The following MMEL1 variants were observed in gnomAD, a reference collection of about 807,000 sequenced individuals.
MMEL1 encodes membrane metallo-endopeptidase-like 1.
A neutral mutation model predicts 117.1 loss-of-function variants in MMEL1; 98 were observed. The ratio of observed to expected loss-of-function variants is 0.84; its 90% CI spans 0.71 to 0.99. The LOEUF (loss-of-function observed/expected upper bound fraction) is 0.99. Ranked by LOEUF, MMEL1 falls within the 50% of genes least tolerant of loss-of-function variation. The probability of loss-of-function intolerance (pLI) is 0.00; values close to 1 mark genes in which losing one functional copy is unlikely to be tolerated. For synonymous variants in MMEL1, 390 were observed against 415.1 expected (o/e 0.94, Z 0.74); for missense variants, 1,014 against 1,049.1 (o/e 0.97, Z 0.46).
chr1:2,618,095 G>A (rs1315357078), intron 2 of MMEL1, among the ~76,000 whole-genome samples: 1 of 152,162 alleles, frequency 6.6e-6, no homozygotes, highest in African/African-American at 2.4e-5. Flanking sequence ...CCTCTGCCAC[G>A]GTTTGGATGT....
At chr1:2,611,443 T>A (rs1179800381) in intron 3 of MMEL1, 103 bp from the exon 4 acceptor site, 1 of 59,918 alleles carries the variant, frequency 1.7e-5, no homozygotes, top group African/African-American at 1.3e-4. Flanking sequence ...GGCATGGGGA[T>A]GGGCATAGAC....
intron 2 of MMEL1, 109 bp downstream of exon 2, chr1:2,629,222 T>A: frequency 8.0e-7 from 1 of 1,250,778 alleles, no homozygotes; most frequent in Non-Finnish European, 1.1e-6. Context: ...ACCTGCCCCA[T>A]CTGACGGGCG....
At position 2,598,785 on chromosome 1, in the gene MMEL1, A is replaced by C; in HGVS notation, c.1047T>G (p.Phe349Leu). The change falls in exon 12 of 24, where the codon TTT becomes TTG. Residue 349 changes from phenylalanine (F) to leucine (L), a missense_variant. Transcript: ENST00000378412. ...CAGTTTGTATGAACAGAGTCCAGTT[A>C]AATCCCTGCAGATAGAGGAAGTGGG... ...ELQSQFGLKG[F>L]NWTLFIQTVL... is the part of the protein sequence containing the mutation. 6.2e-7 allele frequency: 1 copy of C among 1,612,408 alleles called. No homozygotes were observed. The highest frequency in any genetic ancestry group is 1.1e-5 in the South Asian group (1 of 91,026).
rs1241922397 is a variant in MMEL1, at chr1:2,629,495, C to G, written c.-11G>C. The G allele has an allele frequency of 3.4e-6, 5 of 1,487,684 alleles. No homozygotes were observed. Among genetic ancestry groups the G allele is most frequent in the African/African-American group, 1.4e-5 (1 of 69,786 alleles). 92.2% of individuals were successfully genotyped at this position (1,487,684 alleles called of 1,614,324 possible). On this transcript the variant is annotated 5_prime_UTR_variant, in exon 2 of 24. Coordinates refer to ENST00000378412, the MANE Select transcript of MMEL1 (RefSeq NM_033467.4). ...TTCGGACTTCCCCATCAGCAGGGCTCTGGACGGGAGAGCACCGCGGAGGAA... is the reference window on the plus strand; with the variant it reads ...TTCGGACTTCCCCATCAGCAGGGCTGTGGACGGGAGAGCACCGCGGAGGAA...
In MMEL1 at chr1:2,609,389, C is replaced by T. The variant is rs141838137; in HGVS notation, c.485G>A (p.Arg162Gln). 51 of 1,611,926 alleles carry T rather than the reference C, an allele frequency of 3.2e-5. No homozygotes were observed. The South Asian group carries it at 3.3e-4, about 10-fold the overall frequency. ...AVLENSTAKD[R>Q]PAVEKARTLY... ...CGTCCTGGCCTTCTCCACAGCCGGC[C>T]GGTCCTTGGCAGTCGAATTCTCCAG... The change falls in exon 6 of 24, where the codon CGG becomes CAG. Residue 162 changes from arginine to glutamine, a missense_variant. Coordinates refer to ENST00000378412, the MANE Select transcript of MMEL1 (RefSeq NM_033467.4).
chr1:2,611,175 G>T, intron 4 of MMEL1, 106 bp downstream of exon 4: 1 of 1,140,180 alleles, frequency 8.8e-7, no homozygotes, highest in South Asian at 1.4e-5. Context: ...ACCGCCCGCC[G>T]TGTCTTGGAG....
intron 6 of MMEL1, 47 bp downstream of exon 6, chr1:2,609,292 C>G: frequency 6.4e-7 from 1 of 1,567,992 alleles, no homozygotes; most frequent in East Asian, 2.3e-5. Context: ...CAGGGGCAGC[C>G]CGCCCCCGTC....
Position 2,590,947 on chromosome 1 carries a change from A to G in MMEL1, c.*43T>C, listed in dbSNP as rs891304741. The G allele has an allele frequency of 9.2e-6, 13 of 1,418,080 alleles. No homozygotes were observed. In the Admixed American group the frequency reaches 3.6e-4, roughly 39 times the overall value. The allele number at this position is 1,418,080 out of a possible 1,614,324, so 87.8% of individuals were successfully genotyped here. On this transcript the variant is annotated 3_prime_UTR_variant, in exon 24 of 24. Transcript: ENST00000378412. ...CTGCACCTTCGCACAGATGCCTCCGAGCAGCGGGTGGGCGTGGGCCGCACA... is the reference window on the plus strand; with the variant it reads ...CTGCACCTTCGCACAGATGCCTCCGGGCAGCGGGTGGGCGTGGGCCGCACA...
rs1473654510 is a variant in MMEL1 at position 2,592,977 on chromosome 1, G to A, written c.1868-11C>T. ...TGTCGAAGTTCCGGCCTGGGCAGGG[G>A]CAGAGGAGGGCTGCCCACATGCCCC... On this transcript the variant is annotated splice_polypyrimidine_tract_variant and intron_variant, in intron 19 of 23. Transcript: ENST00000378412. 6.2e-7 allele frequency: 1 copy of A among 1,612,220 alleles called. No homozygotes were observed. The highest frequency in any genetic ancestry group is 8.5e-7 in the Non-Finnish European group (1 of 1,179,596).
At chr1:2,600,075 C>A (rs6682043) in intron 11 of MMEL1, among the ~76,000 whole-genome samples, 87,841 of 151,422 alleles carry the variant, frequency 0.58, 26,553 homozygotes, top group Non-Finnish European at 0.68. Flanking sequence ...TCAAGCAATT[C>A]TGCTGCCTCA....
Position 2,595,148 on chromosome 1 carries a change from G to T in MMEL1, c.1584+128C>A. The T allele has an allele frequency of 2.4e-6, 2 of 837,560 alleles. No individual in the cohort carries two copies. Among genetic ancestry groups the T allele is most frequent in the Non-Finnish European group, 3.8e-6 (2 of 522,212 alleles). The allele number at this position is 837,560 out of a possible 1,614,324, so 51.9% of individuals were successfully genotyped here. On this transcript the variant is annotated intron_variant, in intron 16 of 23. Transcript: ENST00000378412. This position sits in a 1 kb window ranked among gnomAD's most constrained non-coding sequence, Gnocchi z 4.8. ...GTAGTGCTGGAGCCACCACCCTAGG[G>T]CACGGTGAGGACAGCTGTGTTAGCG...
chr1:2,598,195 G>T lies in MMEL1; in HGVS notation c.1272+12C>A. Reference sequence around the variant, plus strand: ...AGTGCCCGGCCAGGCTCTGGGCAGGGAAGGGGCTCACCTTGCGGTAGTTCA... The same window carrying T: ...AGTGCCCGGCCAGGCTCTGGGCAGGTAAGGGGCTCACCTTGCGGTAGTTCA... On this transcript the variant is annotated intron_variant, in intron 13 of 23. Transcript: ENST00000378412. 1.9e-6 allele frequency: 3 copies of T among 1,612,944 alleles called. No individual in the cohort carries two copies. The highest frequency in any genetic ancestry group is 2.5e-6 in the Non-Finnish European group (3 of 1,179,058).
In MMEL1 at chr1:2,612,261, C is replaced by T; in HGVS notation, c.155-57G>A. On this transcript the variant is annotated intron_variant, in intron 2 of 23. Coordinates refer to ENST00000378412, the MANE Select transcript of MMEL1 (RefSeq NM_033467.4). The surrounding 1 kb of genome is among the most constrained non-coding windows in gnomAD (Gnocchi z 5.4). ...TCCTGCCTGCAGCTCCCTGGGGGTGCTGGGGGCCTCCCTGGGTCAGCACGC... is the reference window on the plus strand; with the variant it reads ...TCCTGCCTGCAGCTCCCTGGGGGTGTTGGGGGCCTCCCTGGGTCAGCACGC... 6.8e-7 allele frequency: 1 copy of T among 1,463,402 alleles called. No homozygotes were observed. Among genetic ancestry groups the T allele is most frequent in the Non-Finnish European group, 9.4e-7 (1 of 1,067,626 alleles). 90.7% of individuals were successfully genotyped at this position (1,463,402 alleles called of 1,614,324 possible).
At chr1:2,603,833 C>T in intron 11 of MMEL1, 51 bp downstream of exon 11, 1 of 1,555,294 alleles carries the variant, frequency 6.4e-7, no homozygotes, top group Non-Finnish European at 8.8e-7. Flanking sequence ...TCCATGTCCC[C>T]CACGAGTCTC....
At chr1:2,596,453 TG>T in intron 14 of MMEL1, 107 bp downstream of exon 14, 2 of 1,455,376 alleles carry the variant, frequency 1.4e-6, no homozygotes, top group Non-Finnish European at 1.9e-6. Flanking sequence ...TCTGGTGAGC[TG>T]GGGCAGGTGC....
rs758457332 is a variant in MMEL1, at chr1:2,611,269, G to C, written c.292+12C>G. 3 of 1,575,992 alleles carry C rather than the reference G, an allele frequency of 1.9e-6. No individual in the cohort carries two copies. Among genetic ancestry groups the C allele is most frequent in the South Asian group, 1.2e-5 (1 of 86,064 alleles). ...TTGGGCAGGCTGTGGACGGCAAGGG[G>C]GCGGGGCTTACCTGCTATCACGCAG... On this transcript the variant is annotated intron_variant, in intron 4 of 23. Coordinates refer to ENST00000378412, the MANE Select transcript of MMEL1 (RefSeq NM_033467.4).
chr1:2,596,701 A>G lies in MMEL1; in HGVS notation c.1273-12T>C. On this transcript the variant is annotated splice_polypyrimidine_tract_variant and intron_variant, in intron 13 of 23. Coordinates refer to ENST00000378412, the MANE Select transcript of MMEL1 (RefSeq NM_033467.4). ...GTGCCAAACAGCGCCTGGTGGGGCC[A>G]CCCGATCATCCCACGGGCCCCCACG... 1 of 1,610,394 alleles carries G rather than the reference A, an allele frequency of 6.2e-7. No individual in the cohort carries two copies. Among genetic ancestry groups the G allele is most frequent in the Non-Finnish European group, 8.5e-7 (1 of 1,179,484 alleles).
chr1:2,598,807 T>TGGGGAGAAAG lies in MMEL1; in HGVS notation c.1042-27_1042-18dup. The TGGGGAGAAAG allele has an allele frequency of 6.2e-7, 1 of 1,600,138 alleles. No homozygotes were observed. The highest frequency in any genetic ancestry group is 8.6e-7 in the Non-Finnish European group (1 of 1,169,454). On this transcript the variant is annotated splice_polypyrimidine_tract_variant and intron_variant, in intron 11 of 23. Transcript: ENST00000378412. ...GTTAAATCCCTGCAGATAGAGGAAG[T>TGGGGAGAAAG]GGGGAGAAAGAGGGAGAGAGAGAGA... is the stretch of plus-strand genomic sequence containing the variant.
At chr1:2,631,766 C>T (rs1638598918) in intron 1 of MMEL1, among the ~76,000 whole-genome samples, 1 of 152,152 alleles carries the variant, frequency 6.6e-6, no homozygotes, top group African/African-American at 2.4e-5. Flanking sequence ...AGCCATCTGC[C>T]TCCCTTGCCT....
Sources: allele counts gnomAD v4.1 joint callset (sites outside exome capture counted in the v4.1 genomes callset), GRCh38; gene constraint gnomAD v4.1.1; non-coding constraint Gnocchi (gnomAD v3.1); transcripts MANE v1.5; gene names NCBI Gene and HGNC (gene_info 2026-07-23, HGNC 2026-07-21).